The following METTL14 variants were observed in gnomAD, a reference collection of about 807,000 sequenced individuals.
METTL14 encodes N(6)-adenosine-methyltransferase non-catalytic subunit METTL14.
METTL14 carries 32 observed loss-of-function variants against 62.4 expected under a neutral mutation model. That is an observed-to-expected ratio of 0.51 (90% CI 0.39 to 0.69). The LOEUF (loss-of-function observed/expected upper bound fraction) is 0.69, where lower values mean the gene tolerates loss of function less well. Among genes scored for constraint, METTL14 ranks in the 30% least tolerant of loss-of-function variants. The probability of loss-of-function intolerance (pLI) is 0.00; values close to 1 mark genes in which losing one functional copy is unlikely to be tolerated. For synonymous variants in METTL14, 150 were observed against 180.0 expected (o/e 0.83, Z 1.34); for missense variants, 340 against 551.9 (o/e 0.62, Z 3.85).
intron 2 of METTL14, 29 bp downstream of exon 2, chr4:118,688,040 T>A: frequency 6.4e-7 from 1 of 1,560,088 alleles, no homozygotes; most frequent in Non-Finnish European, 8.8e-7. Context: ...TTTTTTTTTT[T>A]TTTTGAGACA....
chr4:118,699,413 C>T (rs1724519746), intron 7 of METTL14, among the ~76,000 whole-genome samples: 1 of 152,128 alleles, frequency 6.6e-6, no homozygotes, highest in Non-Finnish European at 1.5e-5. Flanking sequence ...ATTTCTAAGA[C>T]TTAAGATTAG....
In METTL14 at chr4:118,700,684, GA is replaced by G. The variant is rs760351173; in HGVS notation, c.738+49del. 10 of 1,398,488 alleles carry G rather than the reference GA, an allele frequency of 7.2e-6. No individual in the cohort carries two copies. The African/African-American group carries it at 7.2e-5, about 10-fold the overall frequency. The allele number at this position is 1,398,488 out of a possible 1,614,324, so 86.6% of individuals were successfully genotyped here. A position where few individuals can be genotyped will look rare whatever the true frequency, so the allele number is the denominator to read the frequency against. On this transcript the variant is annotated intron_variant, in intron 8 of 10. Coordinates refer to ENST00000388822, the MANE Select transcript of METTL14 (RefSeq NM_020961.4). ...ATAAAGTGGATTTTTAAATTAATAA[GA>G]AAAAAATGTAACAGTATGTTGCATA...
chr4:118,687,844 T>G, intron 1 of METTL14, 79 bp from the exon 2 acceptor site: 1 of 1,066,724 alleles, frequency 9.4e-7, no homozygotes, highest in Non-Finnish European at 1.4e-6. Context: ...AAGTATTTAA[T>G]GTATTAAATG....
At chr4:118,705,296 G>A (rs1358127785) in intron 9 of METTL14, among the ~76,000 whole-genome samples, 2 of 152,032 alleles carry the variant, frequency 1.3e-5, no homozygotes, top group African/African-American at 2.4e-5. Context: ...GCAACATGGC[G>A]AGACCCTGTC....
In METTL14 at chr4:118,688,018, C is replaced by T. The variant is rs1560875960; in HGVS notation, c.155+7C>T. 1.4e-6 allele frequency: 2 copies of T among 1,449,992 alleles called. No individual in the cohort carries two copies. The highest frequency in any genetic ancestry group is 1.9e-6 in the Non-Finnish European group (2 of 1,044,748). 89.8% of individuals were successfully genotyped at this position (1,449,992 alleles called of 1,614,324 possible). ...AAACAAGAGAAACTTGCAGGTCAGT[C>T]AGATAATTCTTTTTTTTTTTTTTTT... On this transcript the variant is annotated splice_region_variant and intron_variant, in intron 2 of 10. Coordinates refer to ENST00000388822, the MANE Select transcript of METTL14 (RefSeq NM_020961.4).
intron 5 of METTL14, among the ~76,000 whole-genome samples, chr4:118,693,289 TA>T (rs762851278): frequency 6.6e-6 from 1 of 152,218 alleles, no homozygotes; most frequent in Non-Finnish European, 1.5e-5. Flanking sequence ...ATATCTTTTT[TA>T]GAGAAATATC....
chr4:118,706,349 G>A lies in METTL14; in HGVS notation c.1066+528G>A, dbSNP rs1049916214. ...TTACATAGTTGGAATCGTATAGTAT[G>A]TAGCCTTTTTAGATTGGCTTCTTTC... On this transcript the variant is annotated intron_variant, in intron 10 of 10. Coordinates refer to ENST00000388822, the MANE Select transcript of METTL14 (RefSeq NM_020961.4). Among the ~76,000 whole-genome samples, 3 of 152,208 alleles carry A rather than the reference G, an allele frequency of 2.0e-5. No individual in the cohort carries two copies. The East Asian group carries it at 5.8e-4, about 29-fold the overall frequency.
intron 7 of METTL14, among the ~76,000 whole-genome samples, chr4:118,697,607 A>G (rs1724451938): frequency 6.6e-6 from 1 of 152,156 alleles, no homozygotes; most frequent in South Asian, 2.1e-4. Context: ...TAGTTAGAGA[A>G]GTTTAAAAAC....
At chr4:118,706,698 C>T (rs749181093) in intron 10 of METTL14, among the ~76,000 whole-genome samples, 10 of 152,166 alleles carry the variant, frequency 6.6e-5, no homozygotes, top group Non-Finnish European at 1.3e-4. Context: ...ACATTTCCAC[C>T]GGCAGTGAGA....
intron 1 of METTL14, among the ~76,000 whole-genome samples, chr4:118,686,248 A>G (rs974509933): frequency 2.0e-5 from 3 of 152,252 alleles, no homozygotes; most frequent in African/African-American, 7.2e-5. Context: ...CTGCTGGGAA[A>G]TAGAACCTAG....
chr4:118,694,570 T>TA, intron 6 of METTL14, 44 bp downstream of exon 6: 1 of 1,420,568 alleles, frequency 7.0e-7, no homozygotes, highest in South Asian at 1.2e-5. Context: ...AACTCAGGCT[T>TA]AAAGTATCAG....
chr4:118,714,963 G>A lies in METTL14; in HGVS notation c.*4661G>A, dbSNP rs942909161. The A allele has an allele frequency of 6.6e-6, 1 of 152,196 alleles. No individual in the cohort carries two copies. Among genetic ancestry groups the A allele is most frequent in the African/African-American group, 2.4e-5 (1 of 41,452 alleles). 9.4% of individuals were successfully genotyped at this position (152,196 alleles called of 1,614,324 possible). On this transcript the variant is annotated 3_prime_UTR_variant, in exon 11 of 11. Transcript: ENST00000388822. ...CATTTACTTAAAAAAGAGGAAAAAA[G>A]GTTACTTGCTTGAGACAGGAAACTA... is the stretch of plus-strand genomic sequence containing the variant.
At chr4:118,696,540 TCAAACAAACAAA>T (rs762260105) in intron 6 of METTL14, among the ~76,000 whole-genome samples, 4 of 152,138 alleles carry the variant, frequency 2.6e-5, no homozygotes, top group East Asian at 3.9e-4. Flanking sequence ...AGACCTTGTC[TCAAACAAACAAA>T]CAAACAAACA....
intron 8 of METTL14, among the ~76,000 whole-genome samples, chr4:118,702,979 AC>A (rs1724647907): frequency 2.0e-5 from 2 of 99,776 alleles, no homozygotes; most frequent in African/African-American, 6.9e-5. Context: ...TTATTATTAT[AC>A]TTTAAGTTCT....
intron 9 of METTL14, among the ~76,000 whole-genome samples, chr4:118,705,179 A>G (rs1298285337): frequency 6.6e-6 from 1 of 152,168 alleles, no homozygotes; most frequent in African/African-American, 2.4e-5. Context: ...TTTGTTGCCC[A>G]TAGAACTGTA....
intron 3 of METTL14, among the ~76,000 whole-genome samples, chr4:118,689,733 C>G (rs1724187811): frequency 6.6e-6 from 1 of 151,284 alleles, no homozygotes; most frequent in Non-Finnish European, 1.5e-5. Flanking sequence ...ACCTCCGCCT[C>G]CTGGATTCTA....
chr4:118,689,242 G>A (rs556103691), intron 2 of METTL14, 128 bp from the exon 3 acceptor site: 68 of 493,244 alleles, frequency 1.4e-4, no homozygotes, highest in East Asian at 3.0e-4. Context: ...TATAAACTGC[G>A]TAGATAGATA....
In METTL14 at chr4:118,714,675, C is replaced by T. The variant is rs1400730694; in HGVS notation, c.*4373C>T. ...GATCTTGGCTCACTGCAACCTCCGC[C>T]TCCAGGGTTGAAGCGATTCTTCTGC... On this transcript the variant is annotated 3_prime_UTR_variant, in exon 11 of 11. Transcript: ENST00000388822. 2 of 152,262 alleles carry T rather than the reference C, an allele frequency of 1.3e-5. No individual in the cohort carries two copies. Among genetic ancestry groups the T allele is most frequent in the South Asian group, 2.1e-4 (1 of 4,830 alleles). 9.4% of individuals were successfully genotyped at this position (152,262 alleles called of 1,614,324 possible).
intron 10 of METTL14, among the ~76,000 whole-genome samples, chr4:118,707,302 CA>C (rs1317166936): frequency 5.9e-5 from 9 of 152,032 alleles, no homozygotes; most frequent in Admixed American, 1.3e-4. Flanking sequence ...TTTGATGGAT[CA>C]AAGTGTAGAT....
Sources: gnomAD v4.1 joint callset for allele counts (sites outside exome capture counted in the v4.1 genomes callset) on GRCh38, gnomAD v4.1.1 for gene constraint, MANE v1.5 for transcripts, NCBI Gene and HGNC (gene_info 2026-07-23, HGNC 2026-07-21) for gene names.